Variants in SLC39A12 observed in about 807,000 individuals in gnomAD.
SLC39A12 encodes zinc transporter ZIP12.
In SLC39A12, 63 loss-of-function variants were observed where a neutral mutation model predicts 71.1. The ratio of observed to expected loss-of-function variants is 0.89; its 90% confidence interval spans 0.72 to 1.09. The LOEUF (loss-of-function observed/expected upper bound fraction) is 1.09, where lower values mean the gene tolerates loss of function less well. SLC39A12 is among the 50% of genes least tolerant of loss of function. The probability of loss-of-function intolerance (pLI) is 0.00; values close to 1 mark genes in which losing one functional copy is unlikely to be tolerated. For synonymous variants in SLC39A12, 351 were observed against 301.3 expected, an observed-to-expected ratio of 1.16 and a Z score of -1.71; for missense variants, 892 against 812.6, an observed-to-expected ratio of 1.10 and a Z score of -1.19.
intron 4 of SLC39A12, among the ~76,000 whole-genome samples, chr10:17,969,376 A>C (rs1834912386): frequency 1.3e-5 from 2 of 152,224 alleles, no homozygotes; most frequent in Middle Eastern, 3.4e-3. Flanking sequence ...ATCGTTCTCC[A>C]TAGGGGTCAT....
chr10:18,033,119 G>A (rs1178513381), intron 12 of SLC39A12, among the ~76,000 whole-genome samples: 13 of 141,576 alleles, frequency 9.2e-5, no homozygotes, highest in African/African-American at 2.9e-4. Flanking sequence ...CTCTTTTTTG[G>A]TTGTGTCTCT....
chr10:18,034,884 T>C (rs1162611738), intron 12 of SLC39A12, among the ~76,000 whole-genome samples: 3 of 151,806 alleles, frequency 2.0e-5, no homozygotes, highest in African/African-American at 7.3e-5. Flanking sequence ...CTGTAAAGTA[T>C]TTTATTTCTC....
intron 12 of SLC39A12, among the ~76,000 whole-genome samples, chr10:18,020,739 C>T (rs960840487): frequency 2.0e-5 from 3 of 152,078 alleles, no homozygotes; most frequent in Non-Finnish European, 2.9e-5. Context: ...AGCATTTTTT[C>T]ATATGCTTGT....
chr10:18,007,637 A>T (rs1253318571), intron 12 of SLC39A12, among the ~76,000 whole-genome samples: 2 of 152,254 alleles, frequency 1.3e-5, no homozygotes, highest in Non-Finnish European at 2.9e-5. Flanking sequence ...TTATTTCTTC[A>T]TGATATGCTA....
At chr10:17,965,417 A>G in intron 3 of SLC39A12, 66 bp from the exon 4 acceptor site, 1 of 1,454,356 alleles carries the variant, frequency 6.9e-7, no homozygotes, top group Non-Finnish European at 9.6e-7. Context: ...GGGAAATTTC[A>G]GAGATGTTAG....
rs1281371726 is a variant in SLC39A12, at chr10:17,961,713, A to G, written c.394A>G (p.Lys132Glu). 2.5e-6 allele frequency: 4 copies of G among 1,614,016 alleles called. No individual in the cohort carries two copies. Among genetic ancestry groups the G allele is most frequent in the Non-Finnish European group, 3.4e-6 (4 of 1,179,992 alleles). ...IIHQEEICSSKLNMSNKEYKF... is the reference protein window; with the variant it reads ...IIHQEEICSSELNMSNKEYKF... The stretch of plus-strand genomic sequence containing the variant: ...TCATCAGGAAGAGATCTGTTCTTCA[A>G]AGCTCAACATGAGTAATAAAGAGTA... Residue 132 changes from lysine (K) to glutamate (E), a missense_variant, in exon 3 of 13, where the codon AAG (lysine) becomes GAG (glutamate). Lys to Glu is a moderately conservative substitution (Grantham distance 56). Coordinates refer to ENST00000377369, the MANE Select transcript of SLC39A12 (RefSeq NM_001145195.2).
At chr10:17,999,294 CAAAAA>C (rs59734258) in intron 10 of SLC39A12, among the ~76,000 whole-genome samples, 1 of 70,374 alleles carries the variant, frequency 1.4e-5, no homozygotes, top group Non-Finnish European at 2.3e-5. Context: ...GACTCCATCT[CAAAAA>C]AAAAAAAAAA....
chr10:18,014,277 GC>G (rs1836316909), intron 12 of SLC39A12, among the ~76,000 whole-genome samples: 1 of 151,790 alleles, frequency 6.6e-6, no homozygotes, highest in African/African-American at 2.4e-5. Context: ...GTTTATAAAT[GC>G]AACTAATTTT....
intron 7 of SLC39A12, among the ~76,000 whole-genome samples, chr10:17,987,854 A>T (rs1835442954): frequency 6.6e-6 from 1 of 152,130 alleles, no homozygotes; most frequent in South Asian, 2.1e-4. Context: ...GGCTCGCCAC[A>T]TAGTAGTAGT....
Position 18,000,782 on chromosome 10 carries a change from C to A in SLC39A12, c.1716C>A (p.Thr572=). The A allele has an allele frequency of 6.2e-7, 1 of 1,614,118 alleles. No homozygotes were observed. The highest frequency in any genetic ancestry group is 1.3e-5 in the African/African-American group (1 of 75,028). ...CATCATCATCCGAGTCAGGAGTGACCACTACGATTGCTATCTTGTGTCATG... is the reference window on the plus strand; with the variant it reads ...CATCATCATCCGAGTCAGGAGTGACAACTACGATTGCTATCTTGTGTCATG... ...AFSSSSESGV[T]TTIAILCHEI... Residue 572 remains threonine (T), a synonymous_variant, in exon 11 of 13, where the codon ACC becomes ACA. Transcript: ENST00000377369.
In SLC39A12 at chr10:17,969,510, G is replaced by A. The variant is rs189621431; in HGVS notation, c.751+3820G>A. On this transcript the variant is annotated intron_variant, in intron 4 of 12. Transcript: ENST00000377369. Reference sequence around the variant, plus strand: ...AACAGGGGTGAGGTTATATTTCATTGTAGTTTTGATTTGCATTTCTCTGAT... The same window carrying A: ...AACAGGGGTGAGGTTATATTTCATTATAGTTTTGATTTGCATTTCTCTGAT... 2.6e-4 allele frequency among the ~76,000 whole-genome samples: 39 copies of A among 152,240 alleles called. No individual in the cohort carries two copies. The East Asian group carries it at 6.4e-3, about 25-fold the overall frequency.
At chr10:17,984,484 C>G (rs1835351412) in intron 6 of SLC39A12, among the ~76,000 whole-genome samples, 1 of 152,152 alleles carries the variant, frequency 6.6e-6, no homozygotes, top group South Asian at 2.1e-4. Flanking sequence ...AATGGGACAG[C>G]TGTAAATTTT....
At chr10:17,968,489 T>G (rs1834889070) in intron 4 of SLC39A12, among the ~76,000 whole-genome samples, 1 of 152,216 alleles carries the variant, frequency 6.6e-6, no homozygotes, top group African/African-American at 2.4e-5. Flanking sequence ...TTTGGTCATA[T>G]CTTTTCAGCC....
At chr10:17,976,387 C>T (rs1361991298) in intron 4 of SLC39A12, among the ~76,000 whole-genome samples, 2 of 152,058 alleles carry the variant, frequency 1.3e-5, no homozygotes. Context: ...TCTTTTGCTG[C>T]TTTCAAGATT....
At chr10:18,036,761 TATATATATATATATA>T (rs1564665821) in intron 12 of SLC39A12, among the ~76,000 whole-genome samples, 25 of 7,252 alleles carry the variant, frequency 3.4e-3, no homozygotes, top group African/African-American at 0.014. Flanking sequence ...TATATATATA[TATATATATATATATA>T]TATATATATA....
chr10:18,036,767 TATATATA>T lies in SLC39A12; in HGVS notation c.1948-5937_1948-5931del, dbSNP rs1837043495. Among the ~76,000 whole-genome samples, 3 of 68,718 alleles carry T rather than the reference TATATATA, an allele frequency of 4.4e-5. 1 individual carries two copies. Among genetic ancestry groups the T allele is most frequent in the East Asian group, 5.2e-4 (1 of 1,936 alleles). The allele number at this position is 68,718 out of a possible 152,430, so 45.1% of individuals were successfully genotyped here. The stretch of plus-strand genomic sequence containing the variant: ...AAAATTATATATATATATATATATA[TATATATA>T]TATATATATATATATATATATTTTT... On this transcript the variant is annotated intron_variant, in intron 12 of 12. Coordinates refer to ENST00000377369, the MANE Select transcript of SLC39A12 (RefSeq NM_001145195.2).
At chr10:17,960,672 AG>A (rs1378508485) in intron 2 of SLC39A12, among the ~76,000 whole-genome samples, 1 of 152,214 alleles carries the variant, frequency 6.6e-6, no homozygotes, top group Non-Finnish European at 1.5e-5. Context: ...AGTGCTATGA[AG>A]AAAAATTTTT....
At chr10:17,981,181 C>A in intron 5 of SLC39A12, 131 bp from the exon 6 acceptor site, 1 of 676,462 alleles carries the variant, frequency 1.5e-6, no homozygotes, top group Non-Finnish European at 2.3e-6. Flanking sequence ...CAGGGAAACA[C>A]GTGTCGTACC....
At chr10:18,011,558 C>T (rs754245837) in intron 12 of SLC39A12, among the ~76,000 whole-genome samples, 2 of 152,180 alleles carry the variant, frequency 1.3e-5, no homozygotes, top group South Asian at 2.1e-4. Context: ...AAAAGTTATA[C>T]ATGAATTTTC....
Sources: gnomAD v4.1 joint callset for allele counts (sites outside exome capture counted in the v4.1 genomes callset) on GRCh38, gnomAD v4.1.1 for gene constraint, MANE v1.5 for transcripts, NCBI Gene and HGNC (gene_info 2026-07-23, HGNC 2026-07-21) for gene names.